Variants in STK3 observed in about 807,000 individuals in gnomAD.
STK3 encodes the protein serine/threonine-protein kinase 3.
Under a neutral mutation model 58.0 loss-of-function variants are expected in STK3, and 41 were observed. The observed-to-expected ratio is 0.71, with a 90% CI of 0.55 to 0.92. The LOEUF (loss-of-function observed/expected upper bound fraction) is 0.92, where lower values mean the gene tolerates loss of function less well. Among genes scored for constraint, STK3 ranks in the 40% least tolerant of loss-of-function variants. The probability of loss-of-function intolerance (pLI) is 0.00; values close to 1 mark genes in which losing one functional copy is unlikely to be tolerated. For synonymous variants in STK3, 170 were observed against 191.0 expected (o/e 0.89, Z 0.91); for missense variants, 479 against 602.7 (o/e 0.79, Z 2.15).
intron 4 of STK3, among the ~76,000 whole-genome samples, chr8:98,710,882 C>T (rs960234797): frequency 2.6e-5 from 4 of 152,230 alleles, no homozygotes; most frequent in Non-Finnish European, 5.9e-5. Flanking sequence ...AACTGGGAGG[C>T]AGCCCCAAGT....
At chr8:98,653,269 G>A (rs909693376) in intron 6 of STK3, among the ~76,000 whole-genome samples, 9 of 152,136 alleles carry the variant, frequency 5.9e-5, no homozygotes, top group Non-Finnish European at 1.5e-5. Context: ...AAATAAAGAC[G>A]TGCTTTGAAA....
the STK3 span, among the ~76,000 whole-genome samples, chr8:98,357,511 T>C: frequency 3.9e-4 from 59 of 152,288 alleles, no homozygotes; most frequent in African/African-American, 1.3e-3. Flanking sequence ...GCAGCCACCA[T>C]GGTTGGAGGT....
Position 98,541,882 on chromosome 8 carries a change from T to A in STK3, c.1141+6087A>T, listed in dbSNP as rs1362391444. 2.0e-5 allele frequency among the ~76,000 whole-genome samples: 3 copies of A among 152,212 alleles called. No homozygotes were observed. In the South Asian group the frequency reaches 6.2e-4, roughly 32 times the overall value. On this transcript the variant is annotated intron_variant, in intron 9 of 10. Transcript: ENST00000419617. Reference sequence around the variant, plus strand: ...AGTAATCTATGCTGACTTATAACGATCCTGATCTTTCCTAAAGGACTCTTA... The same window carrying A: ...AGTAATCTATGCTGACTTATAACGAACCTGATCTTTCCTAAAGGACTCTTA...
At chr8:98,926,949 G>C (rs888604389) in intron 1 of STK3, among the ~76,000 whole-genome samples, 4 of 152,212 alleles carry the variant, frequency 2.6e-5, no homozygotes, top group Admixed American at 1.3e-4. Flanking sequence ...AACTGCAGGG[G>C]CATGGGGCCC....
intron 1 of STK3, among the ~76,000 whole-genome samples, chr8:98,896,872 G>A (rs939525241): frequency 2.0e-5 from 3 of 152,068 alleles, no homozygotes; most frequent in South Asian, 2.1e-4. Context: ...CTAGCTACTC[G>A]GGAGGCTGAG....
At chr8:98,737,291 T>G (rs182578621) in intron 4 of STK3, among the ~76,000 whole-genome samples, 8 of 152,046 alleles carry the variant, frequency 5.3e-5, no homozygotes, top group African/African-American at 1.9e-4. Context: ...TAAAAAGAGA[T>G]GCAAGCAAAT....
intron 9 of STK3, among the ~76,000 whole-genome samples, chr8:98,527,875 T>C (rs1825867257): frequency 6.6e-6 from 1 of 152,112 alleles, no homozygotes; most frequent in Non-Finnish European, 1.5e-5. Context: ...CTGAGGTGAG[T>C]TGCCAATTAA....
intron 6 of STK3, among the ~76,000 whole-genome samples, chr8:98,627,122 T>C (rs1302245295): frequency 6.6e-6 from 1 of 152,188 alleles, no homozygotes; most frequent in Admixed American, 6.5e-5. Flanking sequence ...CTCATGCTTG[T>C]AATCTCAACA....
chr8:98,746,367 A>G (rs1422457314), intron 4 of STK3, among the ~76,000 whole-genome samples: 1 of 152,232 alleles, frequency 6.6e-6, no homozygotes, highest in Non-Finnish European at 1.5e-5. Context: ...TTAACATTTA[A>G]AAGATTAGCA....
chr8:98,778,914 A>G (rs1357802009), intron 1 of STK3: 4 of 152,266 alleles, frequency 2.6e-5, no homozygotes, highest in African/African-American at 4.8e-5. Context: ...TAGCATTAGG[A>G]GATATACCTA....
At chr8:98,694,973 CA>C (rs1824746839) in intron 6 of STK3, among the ~76,000 whole-genome samples, 1 of 152,120 alleles carries the variant, frequency 6.6e-6, no homozygotes, top group African/African-American at 2.4e-5. Context: ...ATCAACAGTG[CA>C]AAAGTGTTCC....
intron 1 of STK3, chr8:98,890,023 G>C (rs987304479): frequency 6.6e-6 from 1 of 152,230 alleles, no homozygotes; most frequent in African/African-American, 2.4e-5. Flanking sequence ...AAAGCCTCTA[G>C]TTCCGGAAGA....
At chr8:98,447,779 T>C (rs1261808611) in intron 1 of STK3, among the ~76,000 whole-genome samples, 1 of 148,622 alleles carries the variant, frequency 6.7e-6, no homozygotes, top group Non-Finnish European at 1.5e-5. Flanking sequence ...TATATATATG[T>C]TTGCTATCAT....
chr8:98,858,536 T>A (rs1381870886), intron 3 of STK3, among the ~76,000 whole-genome samples: 1 of 150,938 alleles, frequency 6.6e-6, no homozygotes, highest in African/African-American at 2.4e-5. Context: ...GAAAATTGAG[T>A]TGCTAGACTT....
chr8:98,608,795 C>T (rs1816957696), intron 6 of STK3, among the ~76,000 whole-genome samples: 1 of 152,180 alleles, frequency 6.6e-6, no homozygotes, highest in Non-Finnish European at 1.5e-5. Context: ...TCCAACTAAT[C>T]ACCTTATTCT....
chr8:98,441,873 G>A (rs955137394), intron 1 of STK3, among the ~76,000 whole-genome samples: 3 of 152,124 alleles, frequency 2.0e-5, no homozygotes, highest in Non-Finnish European at 4.4e-5. Flanking sequence ...CCATGCCTCT[G>A]ATTACTAAGT....
At chr8:98,424,918 T>A (rs944532040) in intron 3 of STK3, among the ~76,000 whole-genome samples, 1 of 151,658 alleles carries the variant, frequency 6.6e-6, no homozygotes, top group East Asian at 1.9e-4. Flanking sequence ...CAGCTCGTAG[T>A]GAAAGGATAG....
downstream of STK3, among the ~76,000 whole-genome samples, chr8:98,397,742 G>A (rs1192598316): frequency 1.3e-5 from 2 of 152,024 alleles, no homozygotes; most frequent in African/African-American, 4.8e-5. Context: ...ATTGGATCAT[G>A]GAAGCGGTTT....
At chr8:98,430,784 G>A (rs1190413084) in intron 3 of STK3, 1 of 167,050 alleles carries the variant, frequency 6.0e-6, no homozygotes, top group East Asian at 1.9e-4. Context: ...ATAAAAAACT[G>A]CTAGTTCATA....
Sources: gnomAD v4.1 joint callset for allele counts (sites outside exome capture counted in the v4.1 genomes callset) on GRCh38, gnomAD v4.1.1 for gene constraint, MANE v1.5 for transcripts, NCBI Gene and HGNC (gene_info 2026-07-23, HGNC 2026-07-21) for gene names.